Variants in KDM4C observed in about 807,000 individuals in gnomAD.
KDM4C encodes lysine demethylase 4C, also known as lysine-specific demethylase 4C.
KDM4C carries 81 observed loss-of-function variants against 129.3 expected under a neutral mutation model. The ratio of observed to expected loss-of-function variants is 0.63; its 90% CI spans 0.52 to 0.75. The LOEUF is 0.75. Ranked by LOEUF, KDM4C falls within the 30% of genes least tolerant of loss-of-function variation. KDM4C has a pLI of 0.00. For missense variants in KDM4C, 1,457 were observed against 1,304.0 expected, an observed-to-expected ratio of 1.12 and a Z score of -1.81; for synonymous variants, 573 against 456.1, an observed-to-expected ratio of 1.26 and a Z score of -3.26.
At chr9:7,135,118 C>T (rs1179542705) in intron 19 of KDM4C, among the ~76,000 whole-genome samples, 1 of 152,136 alleles carries the variant, frequency 6.6e-6, no homozygotes, top group East Asian at 1.9e-4. Flanking sequence ...TCTCACTGAC[C>T]CCAATTCTGT....
At chr9:6,828,098 A>G (rs1834178700) in intron 4 of KDM4C, among the ~76,000 whole-genome samples, 1 of 152,138 alleles carries the variant, frequency 6.6e-6, no homozygotes, top group Non-Finnish European at 1.5e-5. Context: ...TGGTGCAAGT[A>G]GGAAGGTTAG....
chr9:6,732,386 AAAAAAAAAAAAAAAAGAAT>A (rs1295450722), intron 1 of KDM4C, among the ~76,000 whole-genome samples: 7 of 144,714 alleles, frequency 4.8e-5, no homozygotes, highest in Non-Finnish European at 7.5e-5. Flanking sequence ...AAAAAAAAAA[AAAAAAAAAAAAAAAAGAAT>A]GAGGCCGGAA....
intron 15 of KDM4C, among the ~76,000 whole-genome samples, chr9:7,016,535 C>G (rs949458546): frequency 6.7e-6 from 1 of 150,058 alleles, no homozygotes; most frequent in Non-Finnish European, 1.5e-5. Flanking sequence ...AAGCAATTCT[C>G]CAGTCTCAGC....
At chr9:6,841,030 A>G (rs1002570026) in intron 4 of KDM4C, among the ~76,000 whole-genome samples, 7 of 152,176 alleles carry the variant, frequency 4.6e-5, no homozygotes, top group Admixed American at 1.3e-4. Context: ...CCATCTGTAT[A>G]TTCTTTTTGA....
chr9:6,889,252 G>GTGTGTGTGTGTGTGTGTGTGTGTGT (rs747649175), intron 7 of KDM4C, among the ~76,000 whole-genome samples: 15 of 75,068 alleles, frequency 2.0e-4, no homozygotes, highest in African/African-American at 7.1e-4. Context: ...TGTGTGTGTG[G>GTGTGTGTGTGTGTGTGTGTGTGTGT]GAGGGTGGGG....
chr9:6,983,008 C>G (rs947073595), intron 9 of KDM4C, among the ~76,000 whole-genome samples: 1 of 152,212 alleles, frequency 6.6e-6, no homozygotes, highest in African/African-American at 2.4e-5. Flanking sequence ...ATTGATGTCT[C>G]AAGCACATGT....
intron 1 of KDM4C, among the ~76,000 whole-genome samples, chr9:6,739,773 G>C (rs1156728393): frequency 6.6e-6 from 1 of 151,962 alleles, no homozygotes; most frequent in East Asian, 1.9e-4. Flanking sequence ...AAGGAGGAAG[G>C]ATTGCTAGGA....
At chr9:6,986,268 T>G in intron 10 of KDM4C, 76 bp from the exon 11 acceptor site, 2 of 992,386 alleles carry the variant, frequency 2.0e-6, no homozygotes, top group Non-Finnish European at 3.0e-6. Context: ...ACAGAATCAT[T>G]TGGGAATAGT....
At chr9:6,939,909 A>T (rs1323774681) in intron 8 of KDM4C, among the ~76,000 whole-genome samples, 1 of 151,956 alleles carries the variant, frequency 6.6e-6, no homozygotes, top group East Asian at 1.9e-4. Flanking sequence ...TGTGGGTAGA[A>T]ACCACTTTTT....
intron 8 of KDM4C, among the ~76,000 whole-genome samples, chr9:6,941,115 CT>C (rs2131394508): frequency 6.6e-6 from 1 of 151,872 alleles, no homozygotes; most frequent in South Asian, 2.1e-4. Context: ...ACTGCAACCT[CT>C]GCCTCTTGGG....
chr9:7,067,068 C>T (rs965745119), intron 17 of KDM4C, among the ~76,000 whole-genome samples: 1 of 152,154 alleles, frequency 6.6e-6, no homozygotes, highest in Non-Finnish European at 1.5e-5. Flanking sequence ...AATGAAGGAA[C>T]CAGCAACACA....
At chr9:6,938,864 A>G (rs990801311) in intron 8 of KDM4C, among the ~76,000 whole-genome samples, 27 of 152,058 alleles carry the variant, frequency 1.8e-4, no homozygotes, top group African/African-American at 6.5e-4. Context: ...ATAAAATATT[A>G]TTGTTCTTTC....
chr9:6,986,324 G>T lies in KDM4C; in HGVS notation c.1355-20G>T, dbSNP rs777399773. On this transcript the variant is annotated intron_variant, in intron 10 of 21. Transcript: ENST00000381309. Reference sequence around the variant, plus strand: ...TAATACAGTGCATGATTTATTAACAGTCTTCTGTTTTATCCTCAGGAAACA... The same window carrying T: ...TAATACAGTGCATGATTTATTAACATTCTTCTGTTTTATCCTCAGGAAACA... 6.5e-7 allele frequency: 1 copy of T among 1,546,062 alleles called. No homozygotes were observed. The highest frequency in any genetic ancestry group is 1.4e-5 in the African/African-American group (1 of 73,650).
In KDM4C at chr9:6,746,246, T is replaced by TTATA. The variant is rs749012885; in HGVS notation, c.49+25261_49+25264dup. Among the ~76,000 whole-genome samples, 614 of 115,978 alleles carry TTATA rather than the reference T, an allele frequency of 5.3e-3. 8 individuals are homozygous for TTATA. Among genetic ancestry groups the TTATA allele is most frequent in the South Asian group, 0.022 (67 of 3,094 alleles). The allele number at this position is 115,978 out of a possible 152,430, so 76.1% of individuals were successfully genotyped here. A position where few individuals can be genotyped will look rare whatever the true frequency, so the allele number is the denominator to read the frequency against. ...GTGAGCCACTGTGCCCAGCCAGCCA[T>TTATA]TATATATATATATATGTTTTTTTTT... On this transcript the variant is annotated intron_variant, in intron 1 of 17. Transcript: ENST00000536108.
chr9:7,034,081 T>A (rs1827229183), intron 15 of KDM4C, among the ~76,000 whole-genome samples: 1 of 152,050 alleles, frequency 6.6e-6, no homozygotes, highest in Non-Finnish European at 1.5e-5. Context: ...TCTTAAAAAA[T>A]TGTTTTTTAA....
chr9:6,853,322 CA>C (rs57658011), intron 5 of KDM4C, among the ~76,000 whole-genome samples: 19,477 of 140,982 alleles, frequency 0.14, 2,541 homozygotes, highest in African/African-American at 0.35. Flanking sequence ...ACTGTTTCTA[CA>C]AAAAAAAAAA....
intron 3 of KDM4C, among the ~76,000 whole-genome samples, chr9:6,810,120 A>T (rs1438431649): frequency 6.6e-6 from 1 of 152,244 alleles, no homozygotes; most frequent in South Asian, 2.1e-4. Flanking sequence ...TTCTCTTGTT[A>T]TAAAGAAACT....
At chr9:7,076,628 T>G in intron 17 of KDM4C, 1 of 1,395,436 alleles carries the variant, frequency 7.2e-7, no homozygotes, top group Non-Finnish European at 9.3e-7. Flanking sequence ...CCTGATTGAG[T>G]CAGACCCTGG....
intron 4 of KDM4C, chr9:6,835,685 T>C: frequency 1.4e-6 from 1 of 697,652 alleles, no homozygotes; most frequent in South Asian, 1.7e-5. Flanking sequence ...TTTGTTTTTG[T>C]TTTTGTTTTT....
Sources: allele counts gnomAD v4.1 joint callset (sites outside exome capture counted in the v4.1 genomes callset), GRCh38; gene constraint gnomAD v4.1.1; transcripts MANE v1.5; gene names NCBI Gene and HGNC (gene_info 2026-07-23, HGNC 2026-07-21).